Variants in BCAT1 observed in about 807,000 individuals in gnomAD.
BCAT1 encodes branched chain amino acid transaminase 1.
A neutral mutation model predicts 52.4 loss-of-function variants in BCAT1; 48 were observed. That is an observed-to-expected ratio of 0.92 (90% CI 0.73 to 1.16). The LOEUF (loss-of-function observed/expected upper bound fraction) is 1.16, where lower values mean the gene tolerates loss of function less well. BCAT1 is among the 50% of genes most tolerant of loss of function. The pLI, the probability that BCAT1 is intolerant of heterozygous loss-of-function variation, is 0.00. For synonymous variants in BCAT1, 167 were observed against 161.3 expected, an observed-to-expected ratio of 1.04 and a Z score of -0.27; for missense variants, 451 against 457.1, an observed-to-expected ratio of 0.99 and a Z score of 0.12.
At chr12:24,926,149 G>A (rs560062364) in intron 1 of BCAT1, among the ~76,000 whole-genome samples, 1,475 of 145,454 alleles carry the variant, frequency 0.01, 15 homozygotes, top group Non-Finnish European at 0.013. Context: ...AGTGAGGAGC[G>A]TCTCTGCCCG....
At chr12:24,944,672 C>T (rs2242399) in intron 1 of BCAT1, among the ~76,000 whole-genome samples, 22,239 of 152,156 alleles carry the variant, frequency 0.15, 1,850 homozygotes, top group East Asian at 0.25. Flanking sequence ...ATTGATGAAA[C>T]ATTCAAATCT....
In BCAT1 at chr12:24,878,432, G is replaced by T. The variant is rs541997861; in HGVS notation, c.510+98C>A. 343 of 1,120,098 alleles carry T rather than the reference G, an allele frequency of 3.1e-4. No individual in the cohort carries two copies. The African/African-American group carries it at 4.9e-3, about 16-fold the overall frequency. The allele number at this position is 1,120,098 out of a possible 1,614,324, so 69.4% of individuals were successfully genotyped here. On this transcript the variant is annotated intron_variant, in intron 5 of 10. Transcript: ENST00000261192. Reference sequence around the variant, plus strand: ...GGAAGAAGTCATTAATGATGCTACTGGGGGGCTACTGCAAACTATATGCTA... The same window carrying T: ...GGAAGAAGTCATTAATGATGCTACTTGGGGGCTACTGCAAACTATATGCTA...
At chr12:24,822,851 C>G (rs1940199763) in intron 10 of BCAT1, among the ~76,000 whole-genome samples, 1 of 152,146 alleles carries the variant, frequency 6.6e-6, no homozygotes, top group Admixed American at 6.6e-5. Context: ...TTATACTTTA[C>G]TACCAACGGT....
At chr12:24,943,872 T>A (rs1350975726) in intron 1 of BCAT1, among the ~76,000 whole-genome samples, 2 of 151,788 alleles carry the variant, frequency 1.3e-5, no homozygotes, top group African/African-American at 4.8e-5. Flanking sequence ...TAGTCCCAGC[T>A]ACTCAGGAAG....
At chr12:24,898,980 T>G (rs148613968) in intron 2 of BCAT1, among the ~76,000 whole-genome samples, 353 of 152,366 alleles carry the variant, frequency 2.3e-3, no homozygotes, top group African/African-American at 8.1e-3. Flanking sequence ...TTAGGCACTA[T>G]GTTCATCTTT....
At chr12:24,879,440 C>T (rs1942433542) in intron 4 of BCAT1, among the ~76,000 whole-genome samples, 1 of 152,166 alleles carries the variant, frequency 6.6e-6, no homozygotes, top group Non-Finnish European at 1.5e-5. Context: ...TCTCTGCTCA[C>T]TTGCAAAGTA....
At chr12:24,848,803 T>C (rs1485545274) in intron 6 of BCAT1, among the ~76,000 whole-genome samples, 1 of 152,174 alleles carries the variant, frequency 6.6e-6, no homozygotes, top group Non-Finnish European at 1.5e-5. Context: ...TGCACTCCAT[T>C]TGGATTTCTC....
intron 10 of BCAT1, among the ~76,000 whole-genome samples, chr12:24,826,765 T>C (rs1940415875): frequency 6.6e-6 from 1 of 152,220 alleles, no homozygotes; most frequent in East Asian, 1.9e-4. Context: ...TTCCAATCCA[T>C]GAATATGGAA....
At chr12:24,911,331 A>C (rs1943322426) in intron 1 of BCAT1, among the ~76,000 whole-genome samples, 2 of 152,140 alleles carry the variant, frequency 1.3e-5, no homozygotes, top group Admixed American at 1.3e-4. Flanking sequence ...CCAGGCTCAC[A>C]CAGACCGCCA....
At chr12:24,820,465 T>A (rs1458916541) in intron 10 of BCAT1, among the ~76,000 whole-genome samples, 3 of 152,112 alleles carry the variant, frequency 2.0e-5, no homozygotes, top group Non-Finnish European at 2.9e-5. Flanking sequence ...TAAGTATACA[T>A]AGAGGGAGGG....
At position 24,925,062 on chromosome 12, in the gene BCAT1, C is replaced by G. The variant is rs138582157; in HGVS notation, c.7-23177G>C. On this transcript the variant is annotated intron_variant, in intron 1 of 10. Coordinates refer to ENST00000261192, the MANE Select transcript of BCAT1 (RefSeq NM_005504.7). ...TGTCTGCTTGGCTAAGCTATAGTGC[C>G]CAATTGCTTAGACAACACAAGTTCA... Among the ~76,000 whole-genome samples the G allele has an allele frequency of 1.8e-4, 28 of 152,252 alleles. No homozygotes were observed. In the East Asian group the frequency reaches 5.2e-3, roughly 28 times the overall value.
At chr12:24,931,631 T>G (rs1943676709) in intron 1 of BCAT1, among the ~76,000 whole-genome samples, 1 of 152,168 alleles carries the variant, frequency 6.6e-6, no homozygotes, top group Non-Finnish European at 1.5e-5. Context: ...AGAAAAGCAA[T>G]TCCCTTAAAA....
chr12:24,867,053 G>A (rs185036265), intron 5 of BCAT1, among the ~76,000 whole-genome samples: 1 of 152,116 alleles, frequency 6.6e-6, no homozygotes, highest in Admixed American at 6.5e-5. Context: ...GCGAGACCAC[G>A]AACCCACCGC....
intron 3 of BCAT1, among the ~76,000 whole-genome samples, chr12:24,885,383 T>G (rs1323832354): frequency 6.6e-6 from 1 of 151,998 alleles, no homozygotes; most frequent in Non-Finnish European, 1.5e-5. Context: ...CTTTACCAAG[T>G]TATTAATGTA....
At chr12:24,833,818 C>CTTTTTTTTTTTTTTTTTTTTTTTT (rs778891194) in intron 8 of BCAT1, 1 of 145,858 alleles carries the variant, frequency 6.9e-6, no homozygotes. Flanking sequence ...ACGTTTGTCT[C>CTTTTTTTTTTTTTTTTTTTTTTTT]TTTCTTTTTT....
At chr12:24,907,729 G>A (rs534497895) in intron 1 of BCAT1, among the ~76,000 whole-genome samples, 11 of 151,914 alleles carry the variant, frequency 7.2e-5, no homozygotes, top group African/African-American at 2.2e-4. Context: ...TATTCTCCTC[G>A]CCCTTGAGAA....
chr12:24,867,086 T>A (rs1483018832), intron 5 of BCAT1, among the ~76,000 whole-genome samples: 1 of 151,938 alleles, frequency 6.6e-6, no homozygotes, highest in Non-Finnish European at 1.5e-5. Flanking sequence ...ACTCCAGACA[T>A]GCCGCCTTAA....
intron 1 of BCAT1, among the ~76,000 whole-genome samples, chr12:24,923,532 G>C (rs1279120979): frequency 6.6e-6 from 1 of 152,080 alleles, no homozygotes; most frequent in Non-Finnish European, 1.5e-5. Context: ...TCAACCTCCT[G>C]AGTAGCTGGG....
intron 3 of BCAT1, among the ~76,000 whole-genome samples, chr12:24,888,972 C>T (rs571411762): frequency 3.3e-5 from 5 of 152,270 alleles, no homozygotes; most frequent in Non-Finnish European, 7.4e-5. Flanking sequence ...TAGGAAAGTC[C>T]ATTTGCATAA....
Sources: allele counts gnomAD v4.1 joint callset (sites outside exome capture counted in the v4.1 genomes callset), GRCh38; gene constraint gnomAD v4.1.1; transcripts MANE v1.5; gene names NCBI Gene and HGNC (gene_info 2026-07-23, HGNC 2026-07-21).